Variants in CACNA2D1 observed in about 807,000 individuals in gnomAD.
CACNA2D1 encodes the protein calcium voltage-gated channel auxiliary subunit alpha2delta 1.
Under a neutral mutation model 171.5 loss-of-function variants are expected in CACNA2D1, and 53 were observed. The ratio of observed to expected loss-of-function variants is 0.31; its 90% CI spans 0.25 to 0.39. CACNA2D1 has a LOEUF of 0.39. CACNA2D1 is among the 10% of genes least tolerant of loss of function. The probability of loss-of-function intolerance (pLI) is 1.00; values close to 1 mark genes in which losing one functional copy is unlikely to be tolerated. For missense variants in CACNA2D1, 903 were observed against 1,299.8 expected, an observed-to-expected ratio of 0.69 and a Z score of 4.69; for synonymous variants, 442 against 443.1, an observed-to-expected ratio of 1.00 and a Z score of 0.03.
intron 3 of CACNA2D1, among the ~76,000 whole-genome samples, chr7:82,232,571 T>C (rs1803059849): frequency 6.6e-6 from 1 of 152,076 alleles, no homozygotes; most frequent in Admixed American, 6.6e-5. Context: ...GATTCTAATA[T>C]TAAGACTTGG....
intron 14 of CACNA2D1, among the ~76,000 whole-genome samples, chr7:82,013,039 T>TG (rs973676899): frequency 6.6e-6 from 1 of 152,038 alleles, no homozygotes; most frequent in African/African-American, 2.4e-5. Context: ...AGGGGTTATT[T>TG]GGGAGGTATT....
At chr7:82,246,316 G>A (rs930682526) in intron 3 of CACNA2D1, among the ~76,000 whole-genome samples, 9 of 151,554 alleles carry the variant, frequency 5.9e-5, no homozygotes, top group African/African-American at 2.2e-4. Flanking sequence ...AAATATACTT[G>A]TGCACCTGTT....
chr7:82,256,536 A>T (rs1217091005), intron 3 of CACNA2D1, among the ~76,000 whole-genome samples: 1 of 152,218 alleles, frequency 6.6e-6, no homozygotes, highest in Non-Finnish European at 1.5e-5. Context: ...GCATGCCTAC[A>T]TGGTGTAGGA....
chr7:82,025,139 G>A (rs1006398867), intron 12 of CACNA2D1, among the ~76,000 whole-genome samples: 4 of 151,514 alleles, frequency 2.6e-5, no homozygotes, highest in Admixed American at 6.6e-5. Context: ...GTCTTTTGTA[G>A]TTTTATATGT....
At position 81,959,865 on chromosome 7, in the gene CACNA2D1, T is replaced by C. The variant is rs191501938; in HGVS notation, c.2967-36A>G. On this transcript the variant is annotated intron_variant, in intron 36 of 38. Coordinates refer to ENST00000356860, the MANE Select transcript of CACNA2D1 (RefSeq NM_000722.4). The stretch of plus-strand genomic sequence containing the variant: ...AATATGGTATCATAGAAAATGAGTA[T>C]CTTTTCCAAAATAAATGGAAATCTT... 6.0e-4 allele frequency: 953 copies of C among 1,598,998 alleles called. 5 individuals are homozygous for C. Among genetic ancestry groups the C allele is most frequent in the African/African-American group, 4.9e-3 (365 of 74,714 alleles).
chr7:82,081,617 G>T (rs1471763456), intron 7 of CACNA2D1, among the ~76,000 whole-genome samples: 1 of 152,188 alleles, frequency 6.6e-6, no homozygotes, highest in African/African-American at 2.4e-5. Flanking sequence ...CCTAGGTATT[G>T]TGAGTGGGCA....
At chr7:82,418,158 GAA>G (rs1828363769) in intron 1 of CACNA2D1, among the ~76,000 whole-genome samples, 1 of 152,182 alleles carries the variant, frequency 6.6e-6, no homozygotes, top group Non-Finnish European at 1.5e-5. Flanking sequence ...GCAGGAGAGA[GAA>G]ATGAGTGCCC....
chr7:82,004,449 T>C (rs1362109965), intron 18 of CACNA2D1, among the ~76,000 whole-genome samples: 1 of 151,362 alleles, frequency 6.6e-6, no homozygotes, highest in South Asian at 2.1e-4. Flanking sequence ...TATTATTTAA[T>C]GTATTAAAAT....
chr7:82,155,503 A>AT (rs1011487246), intron 4 of CACNA2D1, among the ~76,000 whole-genome samples: 7 of 152,054 alleles, frequency 4.6e-5, no homozygotes, highest in African/African-American at 1.2e-4. Flanking sequence ...TATACCATAC[A>AT]TTTTTTTGTG....
chr7:82,226,132 C>T (rs1802337680), intron 3 of CACNA2D1, among the ~76,000 whole-genome samples: 1 of 152,086 alleles, frequency 6.6e-6, no homozygotes, highest in African/African-American at 2.4e-5. Flanking sequence ...ACTTCTTTTG[C>T]AAAGCACAGG....
intron 15 of CACNA2D1, among the ~76,000 whole-genome samples, chr7:82,009,887 AT>A (rs1432292092): frequency 6.6e-6 from 1 of 152,090 alleles, no homozygotes; most frequent in Non-Finnish European, 1.5e-5. Flanking sequence ...CTCTTGTCAT[AT>A]CTCTTTTTAT....
chr7:82,106,606 A>G (rs547069231), intron 6 of CACNA2D1, among the ~76,000 whole-genome samples: 1 of 152,242 alleles, frequency 6.6e-6, no homozygotes, highest in Non-Finnish European at 1.5e-5. Flanking sequence ...GATTTTTTGC[A>G]AATCCCTGAA....
intron 9 of CACNA2D1, among the ~76,000 whole-genome samples, chr7:82,061,433 C>T (rs1806897404): frequency 6.6e-6 from 1 of 152,142 alleles, no homozygotes; most frequent in African/African-American, 2.4e-5. Context: ...AATTAGTCTC[C>T]TTCACATGCT....
intron 1 of CACNA2D1, among the ~76,000 whole-genome samples, chr7:82,420,118 A>G (rs1327952582): frequency 6.6e-6 from 1 of 152,220 alleles, no homozygotes; most frequent in Non-Finnish European, 1.5e-5. Context: ...GTGGTTTTGC[A>G]TTAATTGTGT....
At chr7:82,304,905 T>C (rs1343886225) in intron 3 of CACNA2D1, among the ~76,000 whole-genome samples, 1 of 152,148 alleles carries the variant, frequency 6.6e-6, no homozygotes, top group Non-Finnish European at 1.5e-5. Context: ...AAAATATCAA[T>C]GCGACAGACA....
At chr7:82,077,360 G>A (rs920469035) in intron 7 of CACNA2D1, among the ~76,000 whole-genome samples, 16 of 152,186 alleles carry the variant, frequency 1.1e-4, no homozygotes, top group Admixed American at 9.2e-4. Context: ...TGTGATTTCC[G>A]GGAAGTTCCC....
chr7:82,235,016 T>A (rs955802792), intron 3 of CACNA2D1, among the ~76,000 whole-genome samples: 3 of 152,182 alleles, frequency 2.0e-5, no homozygotes, highest in Admixed American at 1.3e-4. Context: ...ACCTCCAGTC[T>A]GTGCTAACCT....
rs140019895 is a variant in CACNA2D1, at chr7:82,128,465, C to G, written c.396+8170G>C. ...TTGAGGAATTGTCTTATACCAGAGT[C>G]CTTGAAGAGCATAAACTTTCCCACA... On this transcript the variant is annotated intron_variant, in intron 5 of 38. Coordinates refer to ENST00000356860, the MANE Select transcript of CACNA2D1 (RefSeq NM_000722.4). 3.4e-3 allele frequency among the ~76,000 whole-genome samples: 516 copies of G among 152,182 alleles called. 3 individuals are homozygous for G. Among genetic ancestry groups the G allele is most frequent in the African/African-American group, 0.012 (496 of 41,532 alleles).
chr7:82,401,552 G>A (rs146061374), intron 1 of CACNA2D1, among the ~76,000 whole-genome samples: 2,764 of 141,178 alleles, frequency 0.02, 94 homozygotes, highest in East Asian at 0.12. Flanking sequence ...TCTGGAGACT[G>A]TTGTGGGGTG....
Sources: allele counts gnomAD v4.1 joint callset (sites outside exome capture counted in the v4.1 genomes callset), GRCh38; gene constraint gnomAD v4.1.1; transcripts MANE v1.5; gene names NCBI Gene and HGNC (gene_info 2026-07-23, HGNC 2026-07-21).